The following COP1 variants were observed in gnomAD, a reference collection of about 807,000 sequenced individuals.
COP1 encodes the protein COP1 E3 ubiquitin ligase.
Under a neutral mutation model 101.3 loss-of-function variants are expected in COP1, and 24 were observed. The observed-to-expected ratio is 0.24, with a 90% CI of 0.17 to 0.33. The LOEUF (loss-of-function observed/expected upper bound fraction) is 0.33, where lower values mean the gene tolerates loss of function less well. Ranked by LOEUF, COP1 falls within the 10% of genes least tolerant of loss-of-function variation. COP1 has a pLI of 1.00. For synonymous variants in COP1, 347 were observed against 341.9 expected (o/e 1.01, Z -0.17); for missense variants, 663 against 906.2 (o/e 0.73, Z 3.45).
chr1:176,074,363 G>T (rs374234996), intron 11 of COP1, among the ~76,000 whole-genome samples: 1 of 152,130 alleles, frequency 6.6e-6, no homozygotes, highest in Non-Finnish European at 1.5e-5. Flanking sequence ...ACAGAGCTGT[G>T]AGAGTTTTTC....
intron 15 of COP1, among the ~76,000 whole-genome samples, chr1:175,992,598 C>T (rs934446293): frequency 2.0e-5 from 3 of 152,218 alleles, no homozygotes; most frequent in Admixed American, 1.3e-4. Flanking sequence ...GATTATATCC[C>T]GCACCTGGCT....
intron 9 of COP1, among the ~76,000 whole-genome samples, chr1:176,103,588 C>T (rs1300125432): frequency 6.6e-6 from 1 of 152,170 alleles, no homozygotes; most frequent in African/African-American, 2.4e-5. Context: ...CTCCAATTAG[C>T]ATTTCTTTTG....
intron 11 of COP1, among the ~76,000 whole-genome samples, chr1:176,070,967 C>T (rs957536938): frequency 3.3e-5 from 5 of 152,182 alleles, no homozygotes; most frequent in African/African-American, 7.2e-5. Flanking sequence ...CTGCTTCTGT[C>T]CAATTCTTCT....
chr1:176,181,002 G>C (rs1697665080), intron 2 of COP1, among the ~76,000 whole-genome samples: 1 of 152,144 alleles, frequency 6.6e-6, no homozygotes, highest in Non-Finnish European at 1.5e-5. Context: ...ATACGGTACA[G>C]GGCACAAGCT....
intron 9 of COP1, among the ~76,000 whole-genome samples, chr1:176,109,753 T>C (rs1273180480): frequency 6.6e-6 from 1 of 152,222 alleles, no homozygotes; most frequent in African/African-American, 2.4e-5. Context: ...TTTTTATTAG[T>C]ATGCATCAAC....
intron 8 of COP1, among the ~76,000 whole-genome samples, chr1:176,117,897 AAAACAAAC>A (rs200091101): frequency 6.6e-5 from 10 of 152,160 alleles, no homozygotes; most frequent in South Asian, 6.2e-4. Context: ...TCTGTCTCGA[AAAACAAAC>A]AAACAAACAA....
chr1:176,120,239 G>C (rs999755986), intron 8 of COP1, among the ~76,000 whole-genome samples: 11 of 152,048 alleles, frequency 7.2e-5, no homozygotes, highest in African/African-American at 2.7e-4. Context: ...TGGCCAACAT[G>C]GTGAAACCCC....
At chr1:176,135,497 T>C (rs1689657426) in intron 7 of COP1, among the ~76,000 whole-genome samples, 1 of 152,068 alleles carries the variant, frequency 6.6e-6, no homozygotes. Flanking sequence ...AACTGGATCA[T>C]CAGGTTCAAC....
At chr1:175,968,013 G>A (rs997436860) in intron 18 of COP1, among the ~76,000 whole-genome samples, 5 of 152,082 alleles carry the variant, frequency 3.3e-5, no homozygotes, top group Admixed American at 6.5e-5. Context: ...GATTACAGGC[G>A]CCTGCCAACA....
intron 2 of COP1, among the ~76,000 whole-genome samples, chr1:176,177,584 T>C (rs1446072736): frequency 6.6e-6 from 1 of 152,100 alleles, no homozygotes; most frequent in African/African-American, 2.4e-5. Flanking sequence ...GTTTCTATAA[T>C]AGTAAGTATT....
chr1:176,094,003 CAG>C (rs1318260547), intron 9 of COP1, among the ~76,000 whole-genome samples: 1 of 142,522 alleles, frequency 7.0e-6, no homozygotes, highest in African/African-American at 2.6e-5. Context: ...AGCCTGGAGG[CAG>C]AGTGAGACTC....
At chr1:176,049,152 C>T (rs1236183635) in intron 11 of COP1, among the ~76,000 whole-genome samples, 1 of 141,632 alleles carries the variant, frequency 7.1e-6, no homozygotes, top group Admixed American at 7.3e-5. Context: ...GCAGTCCGGC[C>T]TGGGCAACAG....
chr1:176,157,635 T>A (rs997061811), intron 5 of COP1, among the ~76,000 whole-genome samples: 2 of 152,144 alleles, frequency 1.3e-5, no homozygotes, highest in Admixed American at 1.3e-4. Flanking sequence ...AAAAACAAGC[T>A]TCAAGAGATT....
intron 11 of COP1, among the ~76,000 whole-genome samples, chr1:176,064,119 G>C (rs928284693): frequency 5.3e-5 from 8 of 152,070 alleles, no homozygotes; most frequent in African/African-American, 1.7e-4. Context: ...ACTAGGTAAT[G>C]GGTCAAATTT....
chr1:176,070,555 G>A (rs1215793528), intron 11 of COP1, among the ~76,000 whole-genome samples: 4 of 151,996 alleles, frequency 2.6e-5, no homozygotes, highest in Admixed American at 2.0e-4. Context: ...CCAGCCACTC[G>A]GGAGGCTGAG....
In COP1 at chr1:176,206,653, C is replaced by T; in HGVS notation, c.326G>A (p.Gly109Asp). 6.2e-7 allele frequency: 1 copy of T among 1,611,602 alleles called. No individual in the cohort carries two copies. Residue 109 changes from glycine (G) to aspartate (D), a missense_variant, in exon 1 of 20, where the codon GGC becomes GAC. Gly to Asp is a moderately conservative substitution (Grantham distance 94, BLOSUM62 -1). Around this residue, in one of 4 missense-constraint regions of COP1, gnomAD observed 204 missense variants for 203.6 expected, o/e 1.00. Coordinates refer to ENST00000367669, the MANE Select transcript of COP1 (RefSeq NM_022457.7). ...GGCGAGGAGAGGTCGCTTCCTGCTG[C>T]CGCTGCCTAGGCTGGAGCTGCTGCC... is the stretch of plus-strand genomic sequence containing the variant. ...VGGSSSSLGSGSRKRPLLAPL... is the reference protein window; with the variant it reads ...VGGSSSSLGSDSRKRPLLAPL...
At chr1:176,050,454 T>G (rs1672344260) in intron 11 of COP1, among the ~76,000 whole-genome samples, 1 of 152,220 alleles carries the variant, frequency 6.6e-6, no homozygotes, top group African/African-American at 2.4e-5. Flanking sequence ...TTAGTGTCCC[T>G]GGATGCTAGA....
At chr1:176,117,199 G>C (rs544540502) in intron 8 of COP1, among the ~76,000 whole-genome samples, 3 of 152,170 alleles carry the variant, frequency 2.0e-5, no homozygotes, top group African/African-American at 7.2e-5. Flanking sequence ...GTCCCTCCCA[G>C]CTTCAAAATA....
chr1:176,012,008 TA>T (rs111466447), intron 15 of COP1, among the ~76,000 whole-genome samples: 19 of 149,384 alleles, frequency 1.3e-4, no homozygotes, highest in Admixed American at 1.1e-3. Flanking sequence ...TTCTATTAAT[TA>T]AAAAAAAAAC....
Sources: gnomAD v4.1 joint callset for allele counts (sites outside exome capture counted in the v4.1 genomes callset) on GRCh38, gnomAD v4.1.1 for gene constraint, gnomAD v4.1.1 regional missense constraint, MANE v1.5 for transcripts, NCBI Gene and HGNC (gene_info 2026-07-23, HGNC 2026-07-21) for gene names.